The following CACNA1E variants were observed in gnomAD, a reference collection of about 807,000 sequenced individuals.
CACNA1E encodes the protein calcium voltage-gated channel subunit alpha1 E.
In CACNA1E, 40 loss-of-function variants were observed where a neutral mutation model predicts 259.2. The observed-to-expected ratio is 0.15, with a 90% confidence interval of 0.12 to 0.20. The LOEUF is 0.20. CACNA1E is among the 10% of genes least tolerant of loss of function. The probability of loss-of-function intolerance (pLI) is 1.00; values close to 1 mark genes in which losing one functional copy is unlikely to be tolerated. For missense variants in CACNA1E, 1,874 were observed against 3,040.1 expected, an observed-to-expected ratio of 0.62 and a Z score of 9.02; for synonymous variants, 1,104 against 1,138.5, an observed-to-expected ratio of 0.97 and a Z score of 0.61.
intron 1 of CACNA1E, among the ~76,000 whole-genome samples, chr1:181,362,192 G>A (rs919524225): frequency 6.6e-6 from 1 of 152,202 alleles, no homozygotes; most frequent in South Asian, 2.1e-4. Context: ...CCTCATCAGA[G>A]CCCAAAAGGA....
chr1:181,788,142 G>C lies in CACNA1E; in HGVS notation c.5787-2303G>C, dbSNP rs149957027. Among the ~76,000 whole-genome samples, 181 of 152,336 alleles carry C rather than the reference G, an allele frequency of 1.2e-3. 2 individuals are homozygous for C. The highest frequency in any genetic ancestry group is 4.3e-3 in the African/African-American group (177 of 41,574). On this transcript the variant is annotated intron_variant, in intron 43 of 47. Transcript: ENST00000367573. ...GACTAGCAGGATAGAGATGGAGACA[G>C]ATGGTCAGATGTGAGAAATTTGGTA...
At chr1:181,647,510 G>A (rs947632042) in intron 6 of CACNA1E, among the ~76,000 whole-genome samples, 4 of 152,162 alleles carry the variant, frequency 2.6e-5, no homozygotes, top group Non-Finnish European at 5.9e-5. Context: ...TGCACACCAC[G>A]AGAGAGAAAA....
At chr1:181,599,572 C>T (rs1016150064) in intron 6 of CACNA1E, among the ~76,000 whole-genome samples, 5 of 152,226 alleles carry the variant, frequency 3.3e-5, no homozygotes, top group South Asian at 2.1e-4. Context: ...ATTTGTGTGA[C>T]CATTTATTAA....
chr1:181,318,441 C>G (rs1650078707), intron 1 of CACNA1E, among the ~76,000 whole-genome samples: 1 of 152,232 alleles, frequency 6.6e-6, no homozygotes, highest in Non-Finnish European at 1.5e-5. Flanking sequence ...CCGCAGCGCT[C>G]AGGGCAGCAT....
intron 2 of CACNA1E, among the ~76,000 whole-genome samples, chr1:181,417,854 C>T (rs1199751099): frequency 6.6e-6 from 1 of 152,184 alleles, no homozygotes; most frequent in Non-Finnish European, 1.5e-5. Flanking sequence ...GCATCTGGTC[C>T]CTGGTACCAG....
intron 6 of CACNA1E, among the ~76,000 whole-genome samples, chr1:181,640,674 G>A (rs1290172850): frequency 1.3e-5 from 2 of 152,322 alleles, no homozygotes; most frequent in East Asian, 3.9e-4. Flanking sequence ...TGCCCTTGTA[G>A]GCTGTGCTGA....
chr1:181,537,670 G>A (rs1354031744), intron 3 of CACNA1E, among the ~76,000 whole-genome samples: 1 of 152,192 alleles, frequency 6.6e-6, no homozygotes, highest in Non-Finnish European at 1.5e-5. Context: ...TGGTGATGAT[G>A]ATGAAGCATG....
At chr1:181,379,629 C>A (rs1233952613) in intron 1 of CACNA1E, among the ~76,000 whole-genome samples, 1 of 152,118 alleles carries the variant, frequency 6.6e-6, no homozygotes, top group East Asian at 1.9e-4. Context: ...TGTGTCCTCA[C>A]TTGATGGAAA....
At chr1:181,719,911 C>A in intron 13 of CACNA1E, 48 bp downstream of exon 13, 2 of 1,086,516 alleles carry the variant, frequency 1.8e-6, no homozygotes, top group Non-Finnish European at 2.7e-6. Flanking sequence ...GAGAGTAGAA[C>A]CTTTTTTCTG....
chr1:181,414,262 C>T (rs556509803), intron 2 of CACNA1E, among the ~76,000 whole-genome samples: 10 of 152,322 alleles, frequency 6.6e-5, no homozygotes, highest in African/African-American at 9.6e-5. Context: ...GGAGTTTACT[C>T]GGCATGCTGG....
chr1:181,456,894 C>T (rs1661495841), intron 2 of CACNA1E, among the ~76,000 whole-genome samples: 1 of 152,310 alleles, frequency 6.6e-6, no homozygotes, highest in South Asian at 2.1e-4. Flanking sequence ...CTCCACCTGT[C>T]TTTCCCTAGA....
chr1:181,796,856 C>A lies in CACNA1E; in HGVS notation c.6397C>A (p.Gln2133Lys). 6.3e-7 allele frequency: 1 copy of A among 1,586,648 alleles called. No homozygotes were observed. Residue 2133 changes from glutamine to lysine, a missense_variant and splice_region_variant, in exon 47 of 48, where the codon CAG (glutamine) becomes AAG (lysine). Gln to Lys is a moderately conservative substitution (Grantham distance 53). Coordinates refer to ENST00000367573, the MANE Select transcript of CACNA1E (RefSeq NM_001205293.3). ...GGGCAGGTCACAGACGCCCAACAGA[C>A]AGGTGAGCGCAGAGAGGAAGCCAGT... ...SEGRSQTPNR[Q>K]GTGSLSESSI... is the part of the protein sequence containing the mutation.
chr1:181,793,831 G>A lies in CACNA1E; in HGVS notation c.6027+38G>A, dbSNP rs552261409. ...CACCTACATTAATGCAGTGGCATCCGGGCTGTATTAGCTGGGTTATGGAAT... is the reference window on the plus strand; with the variant it reads ...CACCTACATTAATGCAGTGGCATCCAGGCTGTATTAGCTGGGTTATGGAAT... On this transcript the variant is annotated intron_variant, in intron 45 of 47. Transcript: ENST00000367573. 16 of 1,600,690 alleles carry A rather than the reference G, an allele frequency of 1.0e-5. No homozygotes were observed. In the East Asian group the frequency reaches 2.0e-4, roughly 20 times the overall value.
chr1:181,375,549 A>G (rs1655047721), intron 1 of CACNA1E, among the ~76,000 whole-genome samples: 1 of 152,198 alleles, frequency 6.6e-6, no homozygotes, highest in South Asian at 2.1e-4. Flanking sequence ...TATTCTAGGA[A>G]CTATTCTAAA....
intron 7 of CACNA1E, among the ~76,000 whole-genome samples, chr1:181,667,463 C>A (rs1648349594): frequency 1.3e-5 from 2 of 151,996 alleles, no homozygotes; most frequent in South Asian, 4.2e-4. Context: ...TAATTTTAGA[C>A]TTAGAAAGTT....
At chr1:181,527,864 G>T (rs1248471314) in intron 3 of CACNA1E, among the ~76,000 whole-genome samples, 1 of 151,328 alleles carries the variant, frequency 6.6e-6, no homozygotes, top group Non-Finnish European at 1.5e-5. Flanking sequence ...GTAATAAATG[G>T]TTTGTTTTTA....
intron 7 of CACNA1E, among the ~76,000 whole-genome samples, chr1:181,661,410 G>A (rs558843846): frequency 5.9e-5 from 9 of 152,240 alleles, no homozygotes; most frequent in East Asian, 1.9e-4. Flanking sequence ...GCCAGGTGTC[G>A]GATCTGCAGG....
intron 2 of CACNA1E, among the ~76,000 whole-genome samples, chr1:181,428,003 ATCAATGGATGTTC>A (rs1463671864): frequency 1.9e-4 from 29 of 152,214 alleles, no homozygotes; most frequent in Middle Eastern, 3.4e-3. Flanking sequence ...CAGCAACCCT[ATCAATGGATGTTC>A]CCAGTTGCTT....
chr1:181,499,626 CT>C (rs1225676727), intron 1 of CACNA1E, among the ~76,000 whole-genome samples: 4 of 152,366 alleles, frequency 2.6e-5, no homozygotes, highest in Non-Finnish European at 4.4e-5. Flanking sequence ...ACACGATTAA[CT>C]TTCTTGGTCT....
Sources: allele counts gnomAD v4.1 joint callset (sites outside exome capture counted in the v4.1 genomes callset), GRCh38; gene constraint gnomAD v4.1.1; transcripts MANE v1.5; gene names NCBI Gene and HGNC (gene_info 2026-07-23, HGNC 2026-07-21).